RIMS4: variants seen among roughly 807,000 people sequenced by gnomAD.
RIMS4 encodes regulating synaptic membrane exocytosis protein 4.
RIMS4 carries 9 observed loss-of-function variants against 29.0 expected under a neutral mutation model. The observed-to-expected ratio is 0.31, with a 90% confidence interval of 0.19 to 0.54. The LOEUF is 0.54. RIMS4 is among the 20% of genes least tolerant of loss of function. The pLI, the probability that RIMS4 is intolerant of heterozygous loss-of-function variation, is 0.94. For missense variants in RIMS4, 193 were observed against 365.7 expected (o/e 0.53, Z 3.85); for synonymous variants, 130 against 152.9 (o/e 0.85, Z 1.10).
Position 44,763,877 on chromosome 20 carries a change from T to C in RIMS4, c.237-5693A>G, listed in dbSNP as rs114628050. Among the ~76,000 whole-genome samples the C allele has an allele frequency of 3.3e-3, 507 of 152,308 alleles. 1 individual carries two copies. Among genetic ancestry groups the C allele is most frequent in the African/African-American group, 0.012 (485 of 41,568 alleles). On this transcript the variant is annotated intron_variant, in intron 2 of 5. Transcript: ENST00000372851. ...GGTTGCACAGCCCTTGTGGTGATTA[T>C]AGGTTATGTGATTCTCAAAGGTTTA...
chr20:44,770,290 C>T (rs1171101393), intron 2 of RIMS4, among the ~76,000 whole-genome samples: 1 of 152,160 alleles, frequency 6.6e-6, no homozygotes, highest in Non-Finnish European at 1.5e-5. Context: ...GCTCTTTAAC[C>T]TCTCTGAGTG....
At chr20:44,802,341 T>C (rs186020475) in intron 1 of RIMS4, among the ~76,000 whole-genome samples, 100 of 152,340 alleles carry the variant, frequency 6.6e-4, no homozygotes, top group African/African-American at 2.3e-3. Flanking sequence ...TTTACTATTA[T>C]TATGCCCCAT....
chr20:44,806,452 A>G (rs1170822108), intron 1 of RIMS4, among the ~76,000 whole-genome samples: 1 of 152,296 alleles, frequency 6.6e-6, no homozygotes, highest in East Asian at 1.9e-4. Flanking sequence ...CTGGCAGGCG[A>G]GTCTCCCAAA....
intron 1 of RIMS4, among the ~76,000 whole-genome samples, chr20:44,799,605 G>T (rs980562774): frequency 6.6e-6 from 1 of 152,202 alleles, no homozygotes; most frequent in African/African-American, 2.4e-5. Flanking sequence ...AGTGAGTGTG[G>T]TGGAATATCT....
chr20:44,768,313 C>T (rs1360281850), intron 2 of RIMS4, among the ~76,000 whole-genome samples: 1 of 152,232 alleles, frequency 6.6e-6, no homozygotes, highest in African/African-American at 2.4e-5. Context: ...CTGTGCCTAC[C>T]TGCAGGAATA....
chr20:44,783,285 CTG>C (rs2066192833), intron 1 of RIMS4, among the ~76,000 whole-genome samples: 1 of 152,190 alleles, frequency 6.6e-6, no homozygotes, highest in South Asian at 2.1e-4. Flanking sequence ...AATGAACAAA[CTG>C]TGGTATATCC....
chr20:44,766,781 A>G (rs1384979477), intron 2 of RIMS4, among the ~76,000 whole-genome samples: 1 of 151,694 alleles, frequency 6.6e-6, no homozygotes, highest in Non-Finnish European at 1.5e-5. Flanking sequence ...CCATCCCCCC[A>G]CCCCTTATTA....
intron 2 of RIMS4, among the ~76,000 whole-genome samples, chr20:44,760,836 C>T (rs2066081461): frequency 6.6e-6 from 1 of 152,008 alleles, no homozygotes; most frequent in South Asian, 2.1e-4. Flanking sequence ...ATATTACACA[C>T]AATTAATATC....
intron 1 of RIMS4, among the ~76,000 whole-genome samples, chr20:44,805,779 G>T (rs973322425): frequency 6.6e-6 from 1 of 152,174 alleles, no homozygotes; most frequent in Admixed American, 6.5e-5. Context: ...AATAAAGGGG[G>T]AGGGGGAGAA....
At chr20:44,776,274 A>C (rs2066159971) in intron 1 of RIMS4, among the ~76,000 whole-genome samples, 1 of 151,740 alleles carries the variant, frequency 6.6e-6, no homozygotes, top group African/African-American at 2.4e-5. Context: ...AAACAAAAAC[A>C]AAAACAAAAA....
chr20:44,796,227 T>C (rs1382747169), intron 1 of RIMS4, among the ~76,000 whole-genome samples: 1 of 151,866 alleles, frequency 6.6e-6, no homozygotes, highest in Non-Finnish European at 1.5e-5. Context: ...TGTACTTGTC[T>C]TATATGCCTC....
chr20:44,780,942 A>C (rs998684797), intron 1 of RIMS4, among the ~76,000 whole-genome samples: 2 of 152,224 alleles, frequency 1.3e-5, no homozygotes, highest in Non-Finnish European at 2.9e-5. Flanking sequence ...CAACTGGGTA[A>C]TAAATATGGA....
chr20:44,760,537 G>A (rs1317989312), intron 2 of RIMS4, among the ~76,000 whole-genome samples: 1 of 152,116 alleles, frequency 6.6e-6, no homozygotes, highest in Non-Finnish European at 1.5e-5. Context: ...GTAAGATCAC[G>A]TTCCAGGAGA....
chr20:44,764,815 G>A (rs1300955670), intron 2 of RIMS4, among the ~76,000 whole-genome samples: 1 of 152,116 alleles, frequency 6.6e-6, no homozygotes, highest in African/African-American at 2.4e-5. Context: ...ACAAATTCTC[G>A]TTTTCAAAAC....
At chr20:44,777,641 A>T (rs1051835648) in intron 1 of RIMS4, among the ~76,000 whole-genome samples, 5 of 152,092 alleles carry the variant, frequency 3.3e-5, no homozygotes, top group African/African-American at 1.2e-4. Flanking sequence ...TAACCACGAG[A>T]CCTCAGGGAT....
chr20:44,784,196 C>T (rs954361922), intron 1 of RIMS4, among the ~76,000 whole-genome samples: 1 of 152,160 alleles, frequency 6.6e-6, no homozygotes, highest in African/African-American at 2.4e-5. Context: ...TCAGATAACA[C>T]ATGTGCACAT....
chr20:44,776,712 C>T (rs1263879683), intron 1 of RIMS4, among the ~76,000 whole-genome samples: 1 of 152,172 alleles, frequency 6.6e-6, no homozygotes, highest in East Asian at 1.9e-4. Flanking sequence ...TGGGCTGGGA[C>T]ACACGGTCAG....
intron 2 of RIMS4, among the ~76,000 whole-genome samples, chr20:44,759,393 G>C (rs1319514423): frequency 2.6e-5 from 4 of 152,144 alleles, no homozygotes; most frequent in Non-Finnish European, 5.9e-5. Flanking sequence ...AAGTAGCTGG[G>C]AATACAGACG....
Position 44,756,014 on chromosome 20 carries a change from T to G in RIMS4, c.*120A>C. 1 of 818,122 alleles carries G rather than the reference T, an allele frequency of 1.2e-6. No homozygotes were observed. The highest frequency in any genetic ancestry group is 2.0e-6 in the Non-Finnish European group (1 of 505,506). 50.7% of individuals were successfully genotyped at this position (818,122 alleles called of 1,614,324 possible). On this transcript the variant is annotated 3_prime_UTR_variant, in exon 6 of 6. Transcript: ENST00000372851. This position sits in a 1 kb window ranked among gnomAD's most constrained non-coding sequence, Gnocchi z 5.9. ...CAAGGGGGGGCAGGTCTCCCCGTTC[T>G]GCTTCCCCACTGTGGGGGAGAGCCC...
Sources: gnomAD v4.1 joint callset for allele counts (sites outside exome capture counted in the v4.1 genomes callset) on GRCh38, gnomAD v4.1.1 for gene constraint, Gnocchi (gnomAD v3.1) non-coding constraint, MANE v1.5 for transcripts, NCBI Gene and HGNC (gene_info 2026-07-23, HGNC 2026-07-21) for gene names.